Variants in PLXDC1 observed in about 807,000 individuals in gnomAD.
The protein encoded by PLXDC1 is plexin domain-containing protein 1.
Under a neutral mutation model 61.3 loss-of-function variants are expected in PLXDC1, and 39 were observed. The ratio of observed to expected loss-of-function variants is 0.64; its 90% confidence interval spans 0.49 to 0.83. PLXDC1 has a LOEUF of 0.83. Among genes scored for constraint, PLXDC1 ranks in the 40% least tolerant of loss-of-function variants. The pLI is 0.00. For missense variants in PLXDC1, 596 were observed against 666.5 expected (o/e 0.89, Z 1.17); for synonymous variants, 212 against 254.5 (o/e 0.83, Z 1.59).
chr17:39,128,097 G>GTGTATATATATATATA (rs1911379292), intron 2 of PLXDC1, among the ~76,000 whole-genome samples: 4 of 67,478 alleles, frequency 5.9e-5, no homozygotes, highest in African/African-American at 1.5e-4. Context: ...CTCTCTATGT[G>GTGTATATATATATATA]TATATATATA....
intron 2 of PLXDC1, among the ~76,000 whole-genome samples, chr17:39,136,205 T>C (rs1348780843): frequency 2.0e-5 from 3 of 151,926 alleles, no homozygotes; most frequent in South Asian, 2.1e-4. Context: ...ACAGGGCAGA[T>C]TGGGAAGGGA....
rs78934789 is a variant in PLXDC1, at chr17:39,125,093, C to T, written c.255+14561G>A. Among the ~76,000 whole-genome samples the T allele has an allele frequency of 1.2e-3, 187 of 152,354 alleles. 1 individual carries two copies. The highest frequency in any genetic ancestry group is 1.3e-3 in the Non-Finnish European group (89 of 68,036). ...TCCGCCTCCCAGAGTGCTGGGATTA[C>T]AGGCCTGAAGCGCAATTCCTTTTAA... On this transcript the variant is annotated intron_variant, in intron 2 of 13. Coordinates refer to ENST00000315392, the MANE Select transcript of PLXDC1 (RefSeq NM_020405.5).
At chr17:39,119,257 G>T (rs1341835826) in intron 2 of PLXDC1, among the ~76,000 whole-genome samples, 2 of 152,098 alleles carry the variant, frequency 1.3e-5, no homozygotes, top group Non-Finnish European at 2.9e-5. Flanking sequence ...GTGATCAGAG[G>T]AAAAACCTCC....
chr17:39,104,324 C>T (rs1910522997), intron 7 of PLXDC1, among the ~76,000 whole-genome samples: 1 of 152,164 alleles, frequency 6.6e-6, no homozygotes, highest in African/African-American at 2.4e-5. Context: ...TGGACTCCAG[C>T]TCAGGCTTCC....
chr17:39,087,816 C>G (rs1415402157), intron 7 of PLXDC1, 114 bp from the exon 8 acceptor site: 1 of 709,186 alleles, frequency 1.4e-6, no homozygotes, highest in African/African-American at 1.7e-5. Flanking sequence ...GTAAGTGCAC[C>G]CAGCAGCCTG....
intron 7 of PLXDC1, among the ~76,000 whole-genome samples, chr17:39,096,063 G>C (rs999635058): frequency 4.6e-5 from 7 of 152,234 alleles, no homozygotes; most frequent in African/African-American, 1.7e-4. Context: ...GCCAGAAGAA[G>C]TTAGGAGATG....
chr17:39,069,372 G>A lies in PLXDC1; in HGVS notation c.1383+484C>T, dbSNP rs58876547. 2.8e-3 allele frequency among the ~76,000 whole-genome samples: 423 copies of A among 152,270 alleles called. 1 individual carries two copies. The highest frequency in any genetic ancestry group is 9.6e-3 in the African/African-American group (398 of 41,546). On this transcript the variant is annotated intron_variant, in intron 13 of 13. Transcript: ENST00000315392. The stretch of plus-strand genomic sequence containing the variant: ...CTTGCCTTGGTTTCTCAAAGTGCTA[G>A]GATCTTAGGAAGGAGCCACTGCACC...
At chr17:39,133,781 G>C (rs1013684788) in intron 2 of PLXDC1, among the ~76,000 whole-genome samples, 1 of 152,084 alleles carries the variant, frequency 6.6e-6, no homozygotes, top group African/African-American at 2.4e-5. Context: ...ACCATACCTA[G>C]CTAACTTTTT....
chr17:39,086,859 C>CAAA (rs765774886), intron 8 of PLXDC1, among the ~76,000 whole-genome samples: 3,322 of 71,200 alleles, frequency 0.047, 376 homozygotes, highest in African/African-American at 0.17. Context: ...GAGACTGTCT[C>CAAA]AAAAAAAAAA....
chr17:39,094,744 T>A (rs1324035886), intron 7 of PLXDC1, among the ~76,000 whole-genome samples: 1 of 152,174 alleles, frequency 6.6e-6, no homozygotes, highest in Non-Finnish European at 1.5e-5. Flanking sequence ...CCTCAGCAAC[T>A]TATAACGTCA....
intron 9 of PLXDC1, chr17:39,080,278 T>TAA (rs35347559): frequency 0.28 from 42,011 of 148,210 alleles, 6,263 homozygotes; most frequent in Admixed American, 0.43. Context: ...CCCTGTCTCT[T>TAA]AAAAAAAAAA....
intron 13 of PLXDC1, 49 bp downstream of exon 13, chr17:39,069,807 C>T (rs201840975): frequency 1.3e-4 from 193 of 1,508,746 alleles, no homozygotes; most frequent in Non-Finnish European, 1.5e-4. Flanking sequence ...GCCCAGGAGA[C>T]GCCGACGCAG....
At chr17:39,083,899 G>A (rs1353980051) in intron 8 of PLXDC1, among the ~76,000 whole-genome samples, 1 of 151,662 alleles carries the variant, frequency 6.6e-6, no homozygotes, top group Non-Finnish European at 1.5e-5. Context: ...CTTGTTCCCT[G>A]CCTCCCTCGC....
At chr17:39,083,300 C>G (rs111601724) in intron 9 of PLXDC1, among the ~76,000 whole-genome samples, 159 bp downstream of exon 9, 9 of 152,338 alleles carry the variant, frequency 5.9e-5, no homozygotes, top group Admixed American at 2.6e-4. Context: ...CTTCCAGAAG[C>G]CCCCAGGCCA....
chr17:39,086,454 C>G (rs1909743336), intron 8 of PLXDC1, among the ~76,000 whole-genome samples: 1 of 152,174 alleles, frequency 6.6e-6, no homozygotes, highest in African/African-American at 2.4e-5. Flanking sequence ...ACCCCCTGCT[C>G]TCAGGACCTC....
At chr17:39,072,726 G>A in intron 11 of PLXDC1, 2 of 551,622 alleles carry the variant, frequency 3.6e-6, no homozygotes, top group South Asian at 1.9e-5. Flanking sequence ...CGGCTGCCTG[G>A]AGAGCAATAG....
At chr17:39,083,323 A>T in intron 9 of PLXDC1, 136 bp downstream of exon 9, 1 of 711,892 alleles carries the variant, frequency 1.4e-6, no homozygotes, top group Non-Finnish European at 2.6e-6. Flanking sequence ...TTCTTGTCCC[A>T]AGAGTCAGAG....
rs114435318 is a variant in PLXDC1 at position 39,103,939 on chromosome 17, A to T, written c.811+1915T>A. Among the ~76,000 whole-genome samples, 575 of 152,176 alleles carry T rather than the reference A, an allele frequency of 3.8e-3. 9 individuals are homozygous for T. Among genetic ancestry groups the T allele is most frequent in the African/African-American group, 0.013 (546 of 41,534 alleles). ...AGTAAAGGTAGGGAAACTCTGCGCC[A>T]CTATAGCATGTGACTTTTTGTCCCT... On this transcript the variant is annotated intron_variant, in intron 7 of 13. Coordinates refer to ENST00000315392, the MANE Select transcript of PLXDC1 (RefSeq NM_020405.5).
At chr17:39,131,904 G>A (rs1911577206) in intron 2 of PLXDC1, 1 of 152,698 alleles carries the variant, frequency 6.5e-6, no homozygotes, top group African/African-American at 2.4e-5. Flanking sequence ...CCTTTGGAAG[G>A]TTGTAGAAAC....
Sources: gnomAD v4.1 joint callset for allele counts (sites outside exome capture counted in the v4.1 genomes callset) on GRCh38, gnomAD v4.1.1 for gene constraint, MANE v1.5 for transcripts, NCBI Gene and HGNC (gene_info 2026-07-23, HGNC 2026-07-21) for gene names.